Variants in CSMD3 observed in about 807,000 individuals in gnomAD.
CSMD3 encodes the protein CUB and sushi domain-containing protein 3.
A neutral mutation model predicts 435.2 loss-of-function variants in CSMD3; 177 were observed. The observed-to-expected ratio is 0.41, with a 90% CI of 0.36 to 0.46. The LOEUF is 0.46. CSMD3 is among the 20% of genes least tolerant of loss of function. The probability of loss-of-function intolerance (pLI) is 0.34; values close to 1 mark genes in which losing one functional copy is unlikely to be tolerated. For synonymous variants in CSMD3, 1,656 were observed against 1,520.5 expected, an observed-to-expected ratio of 1.09 and a Z score of -2.07; for missense variants, 4,265 against 4,504.6, an observed-to-expected ratio of 0.95 and a Z score of 1.52.
chr8:112,917,576 C>A (rs1263091829), intron 10 of CSMD3, among the ~76,000 whole-genome samples: 2 of 151,924 alleles, frequency 1.3e-5, no homozygotes, highest in Non-Finnish European at 2.9e-5. Flanking sequence ...TCGGCAACAT[C>A]AGCAACTGCT....
chr8:113,208,883 T>C (rs1188943374), intron 3 of CSMD3, among the ~76,000 whole-genome samples: 1 of 152,130 alleles, frequency 6.6e-6, no homozygotes, highest in East Asian at 1.9e-4. Flanking sequence ...TTTAAATAAA[T>C]GTAGATATTG....
intron 27 of CSMD3, among the ~76,000 whole-genome samples, chr8:112,548,109 T>C (rs1321152136): frequency 6.6e-6 from 1 of 152,148 alleles, no homozygotes; most frequent in East Asian, 1.9e-4. Context: ...ACTAGATGAC[T>C]TTAGATAAAA....
intron 1 of CSMD3, among the ~76,000 whole-genome samples, chr8:113,407,568 A>ATGTG (rs377056653): frequency 6.6e-6 from 1 of 151,122 alleles, no homozygotes; most frequent in African/African-American, 2.4e-5. Flanking sequence ...ACACATATAT[A>ATGTG]TGTGTGTGTG....
chr8:112,656,099 T>C, intron 18 of CSMD3, 55 bp downstream of exon 18: 4 of 952,288 alleles, frequency 4.2e-6, no homozygotes, highest in Non-Finnish European at 5.1e-6. Context: ...ACTATAATAA[T>C]ACAAAAAGTA....
Position 112,420,920 on chromosome 8 carries a change from C to T in CSMD3, c.5396-11888G>A, listed in dbSNP as rs532336818. Among the ~76,000 whole-genome samples, 4 of 152,218 alleles carry T rather than the reference C, an allele frequency of 2.6e-5. 1 individual carries two copies. In the South Asian group the frequency reaches 8.3e-4, roughly 32 times the overall value. On this transcript the variant is annotated intron_variant, in intron 32 of 70. Coordinates refer to ENST00000297405, the MANE Select transcript of CSMD3 (RefSeq NM_198123.2). ...GCTTTCATTGAATTCTTTAACTCCA[C>T]TCTGCATGTTGCCTCCTACGCACAC...
At chr8:112,344,592 C>G (rs1825483931) in intron 41 of CSMD3, among the ~76,000 whole-genome samples, 1 of 152,036 alleles carries the variant, frequency 6.6e-6, no homozygotes, top group South Asian at 2.1e-4. Flanking sequence ...CTAAAACTAC[C>G]TGGTTTGTGC....
At chr8:113,275,820 T>C (rs927438829) in intron 3 of CSMD3, among the ~76,000 whole-genome samples, 2 of 151,892 alleles carry the variant, frequency 1.3e-5, no homozygotes, top group Non-Finnish European at 2.9e-5. Context: ...GGCAACACAG[T>C]GAGACTCCTA....
chr8:112,858,146 A>G (rs1245101379), intron 11 of CSMD3, among the ~76,000 whole-genome samples: 1 of 151,688 alleles, frequency 6.6e-6, no homozygotes, highest in Non-Finnish European at 1.5e-5. Flanking sequence ...AGTGATCACA[A>G]AAATTCCCGG....
intron 32 of CSMD3, among the ~76,000 whole-genome samples, chr8:112,425,921 AAC>A (rs769534644): frequency 3.3e-5 from 5 of 152,204 alleles, no homozygotes; most frequent in Non-Finnish European, 5.9e-5. Flanking sequence ...AATGGGAAGA[AAC>A]ACACACTGAA....
intron 5 of CSMD3, among the ~76,000 whole-genome samples, chr8:113,081,132 C>A (rs995633608): frequency 2.4e-4 from 36 of 152,246 alleles, no homozygotes; most frequent in African/African-American, 8.7e-4. Context: ...GAAATTACTG[C>A]AAATTTTATT....
At chr8:112,509,638 T>C (rs775099442) in intron 28 of CSMD3, among the ~76,000 whole-genome samples, 4 of 152,170 alleles carry the variant, frequency 2.6e-5, no homozygotes, top group Non-Finnish European at 4.4e-5. Flanking sequence ...AGCCAGTGTT[T>C]CTGGGGTTTT....
intron 12 of CSMD3, among the ~76,000 whole-genome samples, chr8:112,814,795 A>T (rs2079327227): frequency 6.6e-6 from 1 of 151,872 alleles, no homozygotes; most frequent in South Asian, 2.1e-4. Context: ...AAAAAAAAAA[A>T]ATTTTTTTTT....
At chr8:113,045,936 G>A (rs571813977) in intron 5 of CSMD3, among the ~76,000 whole-genome samples, 3 of 148,986 alleles carry the variant, frequency 2.0e-5, no homozygotes, top group Admixed American at 2.0e-4. Flanking sequence ...TTTTCTTTTA[G>A]ACCAAAATAT....
intron 32 of CSMD3, among the ~76,000 whole-genome samples, chr8:112,460,340 C>T (rs1817317416): frequency 6.6e-6 from 1 of 151,842 alleles, no homozygotes; most frequent in African/African-American, 2.4e-5. Context: ...CACATTTCTA[C>T]AAATTTAGAG....
intron 27 of CSMD3, among the ~76,000 whole-genome samples, chr8:112,523,875 G>C (rs543552932): frequency 1.3e-5 from 2 of 152,132 alleles, no homozygotes; most frequent in East Asian, 3.9e-4. Context: ...TGGCAAGTCA[G>C]GTTAAAGTTG....
Position 113,323,350 on chromosome 8 carries a change from C to T in CSMD3, c.179-8557G>A, listed in dbSNP as rs1230604756. Among the ~76,000 whole-genome samples the T allele has an allele frequency of 2.0e-5, 3 of 152,126 alleles. No homozygotes were observed. The East Asian group carries it at 5.8e-4, about 29-fold the overall frequency. On this transcript the variant is annotated intron_variant, in intron 1 of 70. Coordinates refer to ENST00000297405, the MANE Select transcript of CSMD3 (RefSeq NM_198123.2). ...TAAAATAACCAAACGGCTCAAATTA[C>T]TCAATTGTTATTCAAACTATTATTA...
chr8:113,116,289 T>C (rs1455707715), intron 4 of CSMD3, among the ~76,000 whole-genome samples: 3 of 152,132 alleles, frequency 2.0e-5, no homozygotes, highest in Non-Finnish European at 2.9e-5. Flanking sequence ...ACGCTATTCT[T>C]GTGATAGTAA....
chr8:113,326,852 T>A (rs1406933845), intron 1 of CSMD3, among the ~76,000 whole-genome samples: 1 of 152,130 alleles, frequency 6.6e-6, no homozygotes. Context: ...AACCTTTTGA[T>A]ATTTGAGTCA....
intron 3 of CSMD3, among the ~76,000 whole-genome samples, chr8:113,178,608 A>G (rs1361757179): frequency 1.3e-5 from 2 of 151,940 alleles, no homozygotes; most frequent in Non-Finnish European, 2.9e-5. Context: ...GTATTGATTA[A>G]GAGGAGATCT....
Sources: gnomAD v4.1 joint callset for allele counts (sites outside exome capture counted in the v4.1 genomes callset) on GRCh38, gnomAD v4.1.1 for gene constraint, MANE v1.5 for transcripts, NCBI Gene and HGNC (gene_info 2026-07-23, HGNC 2026-07-21) for gene names.